Variants in CSMD1 observed in about 807,000 individuals in gnomAD.
CSMD1 encodes CUB and Sushi multiple domains 1, also known as CUB and sushi domain-containing protein 1.
CSMD1 carries 213 observed loss-of-function variants against 417.5 expected under a neutral mutation model. That is an observed-to-expected ratio of 0.51 (90% CI 0.46 to 0.57). CSMD1 has a LOEUF of 0.57. CSMD1 is among the 20% of genes least tolerant of loss of function. CSMD1 has a pLI of 0.00. For missense variants in CSMD1, 6,923 were observed against 4,529.7 expected, an observed-to-expected ratio of 1.53 and a Z score of -15.17; for synonymous variants, 2,862 against 1,736.8, an observed-to-expected ratio of 1.65 and a Z score of -16.11.
At chr8:3,234,218 T>C (rs1382652291) in intron 26 of CSMD1, among the ~76,000 whole-genome samples, 5 of 152,188 alleles carry the variant, frequency 3.3e-5, no homozygotes, top group Non-Finnish European at 5.9e-5. Context: ...CTGCATTTCA[T>C]ATCAACCGGG....
chr8:3,143,148 GTTTT>G (rs950140005), intron 40 of CSMD1, among the ~76,000 whole-genome samples: 19 of 151,952 alleles, frequency 1.3e-4, no homozygotes, highest in African/African-American at 4.4e-4. Context: ...ATGCCACAGA[GTTTT>G]TTTTGTTTTT....
rs192809832 is a variant in CSMD1 at position 3,510,340 on chromosome 8, G to A, written c.1345-16614C>T. On this transcript the variant is annotated intron_variant, in intron 10 of 69. Transcript: ENST00000635120. ...CGTCACAGGAAAGAGCAACACAGCC[G>A]GAGCTTGGGGGAGGACAGTAGAGAA... Among the ~76,000 whole-genome samples the A allele has an allele frequency of 1.2e-4, 18 of 151,874 alleles. 1 individual carries two copies. Among genetic ancestry groups the A allele is most frequent in the African/African-American group, 3.9e-4 (16 of 41,182 alleles).
chr8:3,402,392 T>C (rs928901549), intron 15 of CSMD1, among the ~76,000 whole-genome samples: 2 of 152,190 alleles, frequency 1.3e-5, no homozygotes, highest in African/African-American at 4.8e-5. Context: ...GCCACAGAGT[T>C]GGTGTTTTCA....
intron 10 of CSMD1, 106 bp downstream of exon 10, chr8:3,574,839 A>G: frequency 1.5e-6 from 2 of 1,303,156 alleles, no homozygotes; most frequent in Non-Finnish European, 2.1e-6. Context: ...AAATTCAAAC[A>G]GTAAAGTGTA....
rs923863584 is a variant in CSMD1 at position 4,236,005 on chromosome 8, G to C, written c.415+183948C>G. Among the ~76,000 whole-genome samples, 3 of 146,368 alleles carry C rather than the reference G, an allele frequency of 2.0e-5. No homozygotes were observed. The East Asian group carries it at 6.1e-4, about 30-fold the overall frequency. ...AAGTGATTCGTGATAATCACTGTGA[G>C]CAAAGAGGTTAATGGATATTGTTTT... On this transcript the variant is annotated intron_variant, in intron 3 of 69. Coordinates refer to ENST00000635120, the MANE Select transcript of CSMD1 (RefSeq NM_033225.6).
At chr8:3,465,840 T>C (rs902349266) in intron 12 of CSMD1, among the ~76,000 whole-genome samples, 1 of 152,186 alleles carries the variant, frequency 6.6e-6, no homozygotes, top group Non-Finnish European at 1.5e-5. Context: ...GTTTGTAGTC[T>C]GAGGGACTGA....
chr8:3,108,318 T>C (rs1816278490), intron 44 of CSMD1, among the ~76,000 whole-genome samples: 1 of 152,100 alleles, frequency 6.6e-6, no homozygotes, highest in Admixed American at 6.6e-5. Flanking sequence ...CAGGGATGAG[T>C]AAATCTATAA....
chr8:3,008,943 C>T (rs1808173854), intron 52 of CSMD1, among the ~76,000 whole-genome samples: 1 of 152,164 alleles, frequency 6.6e-6, no homozygotes, highest in African/African-American at 2.4e-5. Context: ...AGGTGAGAGT[C>T]TCCGACAAGT....
chr8:3,737,400 G>C (rs957083810), intron 6 of CSMD1, among the ~76,000 whole-genome samples: 1 of 152,088 alleles, frequency 6.6e-6, no homozygotes, highest in African/African-American at 2.4e-5. Flanking sequence ...TTTCTATAAT[G>C]CTTTTACTGA....
At chr8:4,026,524 A>C (rs888599072) in intron 4 of CSMD1, among the ~76,000 whole-genome samples, 1 of 152,224 alleles carries the variant, frequency 6.6e-6, no homozygotes, top group African/African-American at 2.4e-5. Context: ...TGTAAGCAAA[A>C]AAGCAATAAA....
Position 4,964,746 on chromosome 8 carries a change from T to C in CSMD1, c.85+29586A>G, listed in dbSNP as rs544378302. On this transcript the variant is annotated intron_variant, in intron 1 of 69. Coordinates refer to ENST00000635120, the MANE Select transcript of CSMD1 (RefSeq NM_033225.6). ...AACTGAAAAAAAATGAAAACTTCTTTGTCATTGAACCTGACAAAAACTCAT... is the reference window on the plus strand; with the variant it reads ...AACTGAAAAAAAATGAAAACTTCTTCGTCATTGAACCTGACAAAAACTCAT... Among the ~76,000 whole-genome samples, 4 of 152,314 alleles carry C rather than the reference T, an allele frequency of 2.6e-5. 1 individual carries two copies. The highest frequency in any genetic ancestry group is 2.0e-4 in the Admixed American group (3 of 15,288).
chr8:3,101,099 T>C (rs139464039), intron 46 of CSMD1, among the ~76,000 whole-genome samples: 53 of 151,538 alleles, frequency 3.5e-4, no homozygotes, highest in African/African-American at 7.7e-4. Context: ...CTAAAAACTA[T>C]TGAAGGATCC....
intron 5 of CSMD1, among the ~76,000 whole-genome samples, chr8:3,904,034 C>T (rs913521771): frequency 4.6e-5 from 7 of 152,160 alleles, no homozygotes; most frequent in Non-Finnish European, 8.8e-5. Context: ...GGTCTAATGT[C>T]ACTTCCTGCA....
rs1291846117 is a variant in CSMD1, at chr8:2,935,430, A to G, written c.*3155T>C. ...GGTGGCATTGCACAGGCTATATTAC[A>G]CCCTCTTTATAATTTTTTTGACAAA... On this transcript the variant is annotated 3_prime_UTR_variant, in exon 70 of 70. Coordinates refer to ENST00000635120, the MANE Select transcript of CSMD1 (RefSeq NM_033225.6). 1 of 152,022 alleles carries G rather than the reference A, an allele frequency of 6.6e-6. No individual in the cohort carries two copies. The highest frequency in any genetic ancestry group is 1.5e-5 in the Non-Finnish European group (1 of 67,990). The allele number at this position is 152,022 out of a possible 1,614,324, so 9.4% of individuals were successfully genotyped here.
chr8:2,993,996 GAAAA>G (rs928350271), intron 54 of CSMD1, among the ~76,000 whole-genome samples: 1 of 143,002 alleles, frequency 7.0e-6, no homozygotes, highest in Admixed American at 6.9e-5. Context: ...AAAAAAAAAA[GAAAA>G]AAAATTAGCT....
At chr8:3,199,577 C>T (rs556799779) in intron 33 of CSMD1, 137 bp downstream of exon 33, 1 of 392,392 alleles carries the variant, frequency 2.5e-6, no homozygotes, top group East Asian at 3.9e-5. Flanking sequence ...TTATTATAAA[C>T]ATATGAACAC....
intron 1 of CSMD1, among the ~76,000 whole-genome samples, chr8:4,926,188 T>C (rs1806857327): frequency 6.6e-6 from 1 of 152,230 alleles, no homozygotes. Flanking sequence ...GTCTGAAATA[T>C]TCAAATTGCA....
At chr8:4,897,148 G>C (rs765381387) in intron 1 of CSMD1, among the ~76,000 whole-genome samples, 6 of 152,020 alleles carry the variant, frequency 3.9e-5, no homozygotes, top group Non-Finnish European at 7.3e-5. Context: ...GCAGGTGCAC[G>C]TTATTATCTC....
At chr8:3,669,414 G>C (rs1489526985) in intron 7 of CSMD1, among the ~76,000 whole-genome samples, 1 of 152,130 alleles carries the variant, frequency 6.6e-6, no homozygotes, top group Non-Finnish European at 1.5e-5. Flanking sequence ...AGGGGTTCGT[G>C]TTTACACTGT....
Sources: allele counts gnomAD v4.1 joint callset (sites outside exome capture counted in the v4.1 genomes callset), GRCh38; gene constraint gnomAD v4.1.1; transcripts MANE v1.5; gene names NCBI Gene and HGNC (gene_info 2026-07-23, HGNC 2026-07-21).